ANK1: variants seen among roughly 807,000 people sequenced by gnomAD.
The protein encoded by ANK1 is ankyrin-1.
A neutral mutation model predicts 210.4 loss-of-function variants in ANK1; 51 were observed. The observed-to-expected ratio is 0.24, with a 90% CI of 0.19 to 0.31. The LOEUF (loss-of-function observed/expected upper bound fraction) is 0.31. Ranked by LOEUF, ANK1 falls within the 10% of genes least tolerant of loss-of-function variation. The probability of loss-of-function intolerance (pLI) is 1.00; values close to 1 mark genes in which losing one functional copy is unlikely to be tolerated. For synonymous variants in ANK1, 967 were observed against 1,025.9 expected (o/e 0.94, Z 1.10); for missense variants, 2,051 against 2,504.4 (o/e 0.82, Z 3.86).
At chr8:41,891,507 C>T (rs1031871025) in intron 1 of ANK1, among the ~76,000 whole-genome samples, 1 of 152,230 alleles carries the variant, frequency 6.6e-6, no homozygotes, top group African/African-American at 2.4e-5. Context: ...TCCTCACAGT[C>T]ACCCTTCACA....
chr8:41,676,739 A>T (rs1814282871), intron 37 of ANK1, among the ~76,000 whole-genome samples: 1 of 152,156 alleles, frequency 6.6e-6, no homozygotes, highest in South Asian at 2.1e-4. Context: ...ACCCATTTAG[A>T]GTTGATTTTT....
At chr8:41,802,703 G>C (rs1009139256) in intron 1 of ANK1, among the ~76,000 whole-genome samples, 1 of 151,970 alleles carries the variant, frequency 6.6e-6, no homozygotes, top group African/African-American at 2.4e-5. Context: ...CAGCACTCTG[G>C]GAGGCCGATC....
At chr8:41,802,567 A>T (rs1850051443), upstream of ANK1, among the ~76,000 whole-genome samples, 1 of 152,116 alleles carries the variant, frequency 6.6e-6, no homozygotes, top group Non-Finnish European at 1.5e-5. Flanking sequence ...GCAACTAATA[A>T]TACATTTTAT....
intron 38 of ANK1, among the ~76,000 whole-genome samples, chr8:41,670,052 T>G (rs1811792577): frequency 6.6e-6 from 1 of 152,108 alleles, no homozygotes. Context: ...CCAGTCAGCC[T>G]TCTTTCCACA....
At chr8:41,758,808 A>G (rs1202889413) in intron 1 of ANK1, among the ~76,000 whole-genome samples, 1 of 152,170 alleles carries the variant, frequency 6.6e-6, no homozygotes, top group East Asian at 1.9e-4. Flanking sequence ...AATATCACAG[A>G]GGTCCCTGGC....
chr8:41,655,627 C>T lies in ANK1; in HGVS notation c.*163G>A. 2.1e-6 allele frequency: 3 copies of T among 1,455,022 alleles called. No individual in the cohort carries two copies. The highest frequency in any genetic ancestry group is 2.3e-5 in the South Asian group (2 of 86,596). 90.1% of individuals were successfully genotyped at this position (1,455,022 alleles called of 1,614,324 possible). Reference sequence around the variant, plus strand: ...GCCAAGAGGGGACTAGCAGGAGTCCCTTACAGAGGTCATGCCGTCAGCCCA... The same window carrying T: ...GCCAAGAGGGGACTAGCAGGAGTCCTTTACAGAGGTCATGCCGTCAGCCCA... On this transcript the variant is annotated 3_prime_UTR_variant, in exon 43 of 43. Coordinates refer to ENST00000289734, the MANE Select transcript of ANK1 (RefSeq NM_000037.4).
rs1173283387 is a variant in ANK1 at position 41,666,845 on chromosome 8, T to A, written c.5394+1422A>T. Among the ~76,000 whole-genome samples the A allele has an allele frequency of 1.3e-5, 2 of 152,182 alleles. 1 individual carries two copies. Among genetic ancestry groups the A allele is most frequent in the Non-Finnish European group, 2.9e-5 (2 of 68,022 alleles). On this transcript the variant is annotated intron_variant, in intron 39 of 42. Transcript: ENST00000289734. ...CTTGGGAACTGAGGGATCTGGACCC[T>A]CCTGGTCCCTGACATTGGTCCACTG...
chr8:41,799,092 C>T (rs1006594946), upstream of ANK1, among the ~76,000 whole-genome samples: 4 of 152,212 alleles, frequency 2.6e-5, no homozygotes, highest in African/African-American at 9.6e-5. Context: ...TAGAAGGAAC[C>T]GCCATGTCTA....
intron 1 of ANK1, among the ~76,000 whole-genome samples, chr8:41,839,105 A>G (rs540170460): frequency 3.3e-4 from 51 of 152,340 alleles, no homozygotes; most frequent in Non-Finnish European, 4.6e-4. Flanking sequence ...TAAAGATGCA[A>G]CAATGACTGT....
In ANK1 at chr8:41,723,155, G is replaced by C; in HGVS notation, c.879C>G (p.Asp293Glu). ...TTTTGGCTTGGATTGGTGCCCCGTG[G>C]TCCAGCAGGATCTCTGAGATTCGCA... ...GHVRISEILL[D>E]HGAPIQAKTK... The change falls in exon 9 of 43, where the codon GAC becomes GAG. Residue 293 changes from aspartate to glutamate, a missense_variant. Coordinates refer to ENST00000289734, the MANE Select transcript of ANK1 (RefSeq NM_000037.4). The C allele has an allele frequency of 6.2e-7, 1 of 1,614,184 alleles. No homozygotes were observed. Among genetic ancestry groups the C allele is most frequent in the Non-Finnish European group, 8.5e-7 (1 of 1,180,046 alleles).
At chr8:41,867,467 C>T (rs1347511145) in intron 1 of ANK1, among the ~76,000 whole-genome samples, 1 of 152,188 alleles carries the variant, frequency 6.6e-6, no homozygotes, top group African/African-American at 2.4e-5. Flanking sequence ...AGCTTCTGCA[C>T]AGAAGGGTCC....
chr8:41,894,294 G>T (rs372149946), intron 1 of ANK1, among the ~76,000 whole-genome samples: 1 of 152,004 alleles, frequency 6.6e-6, no homozygotes, highest in Non-Finnish European at 1.5e-5. Context: ...GAAGATTTTT[G>T]AATGCTACTG....
At chr8:41,786,212 G>A (rs1019494382) in intron 1 of ANK1, among the ~76,000 whole-genome samples, 3 of 152,170 alleles carry the variant, frequency 2.0e-5, no homozygotes, top group Non-Finnish European at 4.4e-5. Context: ...AGGAGCTCGC[G>A]TCTTGCCAGG....
chr8:41,758,444 C>T (rs559192407), intron 1 of ANK1, among the ~76,000 whole-genome samples: 30 of 152,276 alleles, frequency 2.0e-4, no homozygotes, highest in Admixed American at 1.2e-3. Context: ...TTCCTGGGCT[C>T]AAGAGATCCT....
intron 1 of ANK1, among the ~76,000 whole-genome samples, chr8:41,834,307 G>T (rs1807219106): frequency 6.6e-6 from 1 of 152,262 alleles, no homozygotes; most frequent in African/African-American, 2.4e-5. Context: ...GCAGACTCGG[G>T]AGAATAACAG....
chr8:41,778,392 G>C (rs1291777278), intron 1 of ANK1, among the ~76,000 whole-genome samples: 1 of 152,178 alleles, frequency 6.6e-6, no homozygotes, highest in African/African-American at 2.4e-5. Context: ...ACAGCACTGG[G>C]GGCATCTTTG....
chr8:41,690,411 A>T (rs748302875), intron 32 of ANK1, 63 bp downstream of exon 32: 44 of 1,614,086 alleles, frequency 2.7e-5, no homozygotes, highest in Non-Finnish European at 3.6e-5. Flanking sequence ...TGTCTGGTTT[A>T]GGGAATTCTG....
intron 1 of ANK1, among the ~76,000 whole-genome samples, chr8:41,847,835 C>G (rs764677912): frequency 6.6e-6 from 1 of 152,120 alleles, no homozygotes; most frequent in Non-Finnish European, 1.5e-5. Flanking sequence ...AATGCATGTA[C>G]TCATATGATT....
At chr8:41,724,219 C>T (rs1328380247) in intron 7 of ANK1, among the ~76,000 whole-genome samples, 4 of 152,196 alleles carry the variant, frequency 2.6e-5, no homozygotes, top group East Asian at 3.8e-4. Context: ...ACTCTCTGCC[C>T]TCCAGGTTTC....
Sources: allele counts gnomAD v4.1 joint callset (sites outside exome capture counted in the v4.1 genomes callset), GRCh38; gene constraint gnomAD v4.1.1; transcripts MANE v1.5; gene names NCBI Gene and HGNC (gene_info 2026-07-23, HGNC 2026-07-21).